HDX: variants seen among roughly 807,000 people sequenced by gnomAD.
HDX encodes the protein chromosome X open reading frame 43.
A neutral mutation model predicts 45.2 loss-of-function variants in HDX; 19 were observed. That is an observed-to-expected ratio of 0.42 (90% CI 0.29 to 0.62). The LOEUF is 0.62. Ranked by LOEUF, HDX falls within the 20% of genes least tolerant of loss-of-function variation. The pLI is 0.20. For missense variants in HDX, 532 were observed against 493.9 expected (o/e 1.08, Z -0.73); for synonymous variants, 188 against 172.8 (o/e 1.09, Z -0.69).
intron 7 of HDX, among the ~76,000 whole-genome samples, chrX:84,342,583 T>G (rs1166162075): frequency 3.6e-5 from 4 of 110,213 alleles, no homozygotes; most frequent in African/African-American, 1.3e-4. Flanking sequence ...AAAAGCTACA[T>G]TCCAACTCAC....
At position 84,343,978 on chromosome X, in the gene HDX, A is replaced by G. The variant is rs936690128; in HGVS notation, c.1660+272T>C. Among the ~76,000 whole-genome samples, 28 of 111,514 alleles carry G rather than the reference A, an allele frequency of 2.5e-4. No individual in the cohort carries two copies. In the Admixed American group the frequency reaches 2.6e-3, roughly 10 times the overall value. On this transcript the variant is annotated intron_variant, in intron 7 of 10. Transcript: ENST00000373177. Reference sequence around the variant, plus strand: ...GACCTAAATTGACTAGAATTCCAATAAAATAAAAATCATTTACTTAATTAT... The same window carrying G: ...GACCTAAATTGACTAGAATTCCAATGAAATAAAAATCATTTACTTAATTAT...
At chrX:84,429,136 G>GT (rs1399534786) in intron 5 of HDX, among the ~76,000 whole-genome samples, 1 of 110,319 alleles carries the variant, frequency 9.1e-6, no homozygotes, top group East Asian at 2.8e-4. Context: ...TCAATTATAT[G>GT]TTTTTTCAAA....
At chrX:84,354,928 C>CATATAT (rs1362016065) in intron 6 of HDX, among the ~76,000 whole-genome samples, 8 of 21,366 alleles carry the variant, frequency 3.7e-4, no homozygotes, top group South Asian at 3.4e-3. Context: ...TACACACACA[C>CATATAT]ACATATATAT....
At chrX:84,397,506 G>A (rs1452950793) in intron 5 of HDX, among the ~76,000 whole-genome samples, 3 of 111,176 alleles carry the variant, frequency 2.7e-5, no homozygotes, top group East Asian at 2.9e-4. Context: ...AGGAGTCCAC[G>A]GTAGAAAGGT....
chrX:84,400,393 A>C (rs2038672532), intron 5 of HDX, among the ~76,000 whole-genome samples: 1 of 108,667 alleles, frequency 9.2e-6, no homozygotes, highest in Non-Finnish European at 1.9e-5. Flanking sequence ...ACTCACAAGC[A>C]TTCATATACA....
intron 5 of HDX, among the ~76,000 whole-genome samples, chrX:84,380,259 C>A (rs189285612): frequency 0.011 from 1,235 of 109,490 alleles, 12 homozygotes; most frequent in Middle Eastern, 0.058. Flanking sequence ...AACCAGGACC[C>A]AGTGGTTTCA....
intron 5 of HDX, among the ~76,000 whole-genome samples, chrX:84,367,917 T>C (rs1307480104): frequency 1.8e-5 from 2 of 111,439 alleles, no homozygotes; most frequent in Non-Finnish European, 3.8e-5. Flanking sequence ...GGTTGATGGG[T>C]GCAGCAAACC....
chrX:84,411,998 T>A, intron 5 of HDX, among the ~76,000 whole-genome samples: 1 of 111,722 alleles, frequency 9.0e-6, no homozygotes, highest in Admixed American at 9.5e-5. Context: ...CACTTTTTTC[T>A]GTTTTCCATT....
chrX:84,347,213 A>C (rs981177565), intron 6 of HDX, among the ~76,000 whole-genome samples: 1 of 104,544 alleles, frequency 9.6e-6, no homozygotes, highest in African/African-American at 3.5e-5. Flanking sequence ...TTTTTTCACT[A>C]TCTTCTTTTT....
intron 4 of HDX, among the ~76,000 whole-genome samples, chrX:84,442,438 A>AAACT (rs1376500204): frequency 3.6e-5 from 4 of 110,943 alleles, no homozygotes; most frequent in African/African-American, 1.3e-4. Flanking sequence ...AACATGATAT[A>AAACT]AACTCCAAAT....
At chrX:84,465,040 A>T (rs751023086) in intron 4 of HDX, among the ~76,000 whole-genome samples, 2 of 112,549 alleles carry the variant, frequency 1.8e-5, no homozygotes, top group African/African-American at 6.5e-5. Context: ...TCAAAAGAAG[A>T]CATTTATGCA....
chrX:84,383,049 T>C (rs958894597), intron 5 of HDX, among the ~76,000 whole-genome samples: 2 of 111,193 alleles, frequency 1.8e-5, no homozygotes, highest in Admixed American at 1.9e-4. Flanking sequence ...TTTGTGATCA[T>C]TGTGAAAACT....
intron 5 of HDX, among the ~76,000 whole-genome samples, chrX:84,389,311 A>C (rs66582927): frequency 0.068 from 7,578 of 111,499 alleles, 361 homozygotes; most frequent in East Asian, 0.34. Flanking sequence ...TTGTGGGCCA[A>C]AGGGCCACCT....
At chrX:84,478,140 G>A (rs1276803745) in intron 2 of HDX, among the ~76,000 whole-genome samples, 5 of 112,029 alleles carry the variant, frequency 4.5e-5, no homozygotes, top group African/African-American at 1.3e-4. Flanking sequence ...TGTAAAGCAT[G>A]TAGTTGTAAC....
chrX:84,344,175 A>C, intron 7 of HDX, 75 bp downstream of exon 7: 1 of 790,240 alleles, frequency 1.3e-6, no homozygotes, highest in East Asian at 3.2e-5. Context: ...CTTGAAATGC[A>C]GTAAACTGAA....
intron 5 of HDX, among the ~76,000 whole-genome samples, chrX:84,362,682 A>T (rs1447248592): frequency 9.0e-6 from 1 of 110,925 alleles, no homozygotes; most frequent in Non-Finnish European, 1.9e-5. Context: ...CTAAGATGAT[A>T]TGATCAAGTC....
At chrX:84,456,691 C>G (rs2040119701) in intron 4 of HDX, among the ~76,000 whole-genome samples, 1 of 110,957 alleles carries the variant, frequency 9.0e-6, no homozygotes. Context: ...AAACAAATTC[C>G]TTGTTAATGG....
intron 5 of HDX, among the ~76,000 whole-genome samples, chrX:84,383,473 C>T (rs1056063198): frequency 8.1e-5 from 9 of 111,064 alleles, no homozygotes; most frequent in Admixed American, 1.9e-4. Flanking sequence ...TATATTAATG[C>T]GCATTTCATG....
chrX:84,339,324 T>C (rs2037033809), intron 7 of HDX, among the ~76,000 whole-genome samples: 1 of 111,444 alleles, frequency 9.0e-6, no homozygotes, highest in African/African-American at 3.3e-5. Context: ...GGAAAAAGTG[T>C]CATCAGCCAG....
Sources: allele counts gnomAD v4.1 joint callset (sites outside exome capture counted in the v4.1 genomes callset), GRCh38; gene constraint gnomAD v4.1.1; transcripts MANE v1.5; gene names NCBI Gene and HGNC (gene_info 2026-07-23, HGNC 2026-07-21).